SOX5: variants seen among roughly 807,000 people sequenced by gnomAD.
SOX5 encodes the protein SRY-box transcription factor 5, also known as transcription factor SOX-5.
Under a neutral mutation model 92.0 loss-of-function variants are expected in SOX5, and 9 were observed. The ratio of observed to expected loss-of-function variants is 0.10; its 90% confidence interval spans 0.06 to 0.17. The LOEUF is 0.17. Among genes scored for constraint, SOX5 ranks in the 10% least tolerant of loss-of-function variants. SOX5 has a pLI of 1.00. For missense variants in SOX5, 642 were observed against 944.5 expected (o/e 0.68, Z 4.20); for synonymous variants, 344 against 336.3 (o/e 1.02, Z -0.25).
chr12:24,095,033 AC>A (rs1253350190), intron 4 of SOX5, among the ~76,000 whole-genome samples: 1 of 151,792 alleles, frequency 6.6e-6, no homozygotes, highest in Admixed American at 6.6e-5. Flanking sequence ...ATTGTCTTGA[AC>A]AAAAAGATTG....
chr12:24,077,236 G>A (rs905411884), intron 4 of SOX5, among the ~76,000 whole-genome samples: 12 of 152,196 alleles, frequency 7.9e-5, no homozygotes, highest in Non-Finnish European at 1.5e-4. Flanking sequence ...CAGTCTATGT[G>A]TAACCAAGAC....
upstream of SOX5, among the ~76,000 whole-genome samples, chr12:23,950,475 A>G (rs764242049): frequency 3.9e-5 from 6 of 152,234 alleles, no homozygotes; most frequent in Non-Finnish European, 7.3e-5. Context: ...CCTCAGCTCT[A>G]AACTCCATAA....
intron 4 of SOX5, among the ~76,000 whole-genome samples, chr12:24,208,618 T>G (rs1264998986): frequency 4.6e-5 from 7 of 152,230 alleles, no homozygotes; most frequent in African/African-American, 1.7e-4. Context: ...CCTTATACAC[T>G]GTCACCTTGT....
At chr12:24,056,804 T>A (rs1434486501) in intron 4 of SOX5, among the ~76,000 whole-genome samples, 1 of 148,524 alleles carries the variant, frequency 6.7e-6, no homozygotes, top group East Asian at 2.0e-4. Context: ...TGAAACCCCG[T>A]CTCTACTAAA....
intron 3 of SOX5, among the ~76,000 whole-genome samples, chr12:24,273,680 C>T (rs1464154367): frequency 6.6e-6 from 1 of 152,092 alleles, no homozygotes; most frequent in Non-Finnish European, 1.5e-5. Flanking sequence ...TGTTTTCCAC[C>T]TTGTTAATTT....
intron 4 of SOX5, among the ~76,000 whole-genome samples, chr12:24,073,893 T>A (rs970884147): frequency 6.6e-6 from 1 of 152,170 alleles, no homozygotes; most frequent in Non-Finnish European, 1.5e-5. Context: ...TTAATCTTGC[T>A]CCCAGTTTTT....
chr12:23,986,951 T>C (rs1403360490), intron 4 of SOX5, among the ~76,000 whole-genome samples: 1 of 152,204 alleles, frequency 6.6e-6, no homozygotes, highest in Non-Finnish European at 1.5e-5. Flanking sequence ...AAAATCACTT[T>C]CACTCTGTTA....
chr12:23,983,105 A>ATT (rs62869160), intron 4 of SOX5, among the ~76,000 whole-genome samples: 11,137 of 145,148 alleles, frequency 0.077, 634 homozygotes, highest in African/African-American at 0.16. Context: ...TCTGGAGTCC[A>ATT]TTTTTTTTTT....
At chr12:23,880,482 A>G (rs2096976010) in intron 2 of SOX5, among the ~76,000 whole-genome samples, 1 of 152,188 alleles carries the variant, frequency 6.6e-6, no homozygotes, top group Admixed American at 6.5e-5. Context: ...TATTTCCTAT[A>G]TGTAGATTTC....
rs187113822 is a variant in SOX5, at chr12:23,867,942, A to C, written c.271-21749T>G. On this transcript the variant is annotated intron_variant, in intron 2 of 14. Coordinates refer to ENST00000451604, the MANE Select transcript of SOX5 (RefSeq NM_006940.6). ...AATACCACCTAGGCAGTTTAACCTC[A>C]ATCAGAAAAAAAAATTTAAGGATGT... Among the ~76,000 whole-genome samples, 3 of 152,110 alleles carry C rather than the reference A, an allele frequency of 2.0e-5. No homozygotes were observed. The East Asian group carries it at 5.8e-4, about 29-fold the overall frequency.
chr12:24,398,639 C>A (rs1426813698), intron 1 of SOX5, among the ~76,000 whole-genome samples: 2 of 152,150 alleles, frequency 1.3e-5, no homozygotes, highest in South Asian at 2.1e-4. Flanking sequence ...AAAAAGAAAT[C>A]TATCAAAAAA....
At chr12:24,484,774 A>G (rs1346895177) in intron 1 of SOX5, among the ~76,000 whole-genome samples, 1 of 152,224 alleles carries the variant, frequency 6.6e-6, no homozygotes, top group Non-Finnish European at 1.5e-5. Flanking sequence ...TTTTTCCATC[A>G]AATTATGATA....
At chr12:23,726,018 C>T (rs1386487979) in intron 6 of SOX5, among the ~76,000 whole-genome samples, 2 of 152,096 alleles carry the variant, frequency 1.3e-5, no homozygotes, top group Non-Finnish European at 1.5e-5. Context: ...CCTAGTGGCA[C>T]ACAGGTGTCC....
chr12:24,110,710 T>C (rs4393411), intron 4 of SOX5, among the ~76,000 whole-genome samples: 121,247 of 151,512 alleles, frequency 0.8, 48,856 homozygotes, highest in East Asian at 0.99. Context: ...ATGGTGAAAC[T>C]CCGTCTCTAC....
At chr12:24,055,006 A>G (rs1296531900) in intron 4 of SOX5, among the ~76,000 whole-genome samples, 1 of 152,178 alleles carries the variant, frequency 6.6e-6, no homozygotes, top group Non-Finnish European at 1.5e-5. Context: ...TACTTTTGAA[A>G]TTCTGAACCT....
intron 6 of SOX5, among the ~76,000 whole-genome samples, chr12:23,673,332 T>C (rs2085105885): frequency 6.6e-6 from 1 of 152,148 alleles, no homozygotes; most frequent in Admixed American, 6.6e-5. Flanking sequence ...ACTTGTTTCC[T>C]AAAGCGTGTG....
intron 4 of SOX5, among the ~76,000 whole-genome samples, chr12:24,160,295 T>A (rs1952619336): frequency 6.6e-6 from 1 of 152,002 alleles, no homozygotes; most frequent in Non-Finnish European, 1.5e-5. Context: ...AGGAAAAATA[T>A]ATAGAAGAAA....
At chr12:23,629,723 T>A (rs1307890216) in intron 8 of SOX5, among the ~76,000 whole-genome samples, 1 of 152,000 alleles carries the variant, frequency 6.6e-6, no homozygotes, top group Non-Finnish European at 1.5e-5. Flanking sequence ...TTTGCCTTTC[T>A]TCAAACTCTA....
At chr12:24,522,214 G>C (rs1264425719) in intron 1 of SOX5, among the ~76,000 whole-genome samples, 1 of 149,984 alleles carries the variant, frequency 6.7e-6, no homozygotes, top group Non-Finnish European at 1.5e-5. Context: ...TTATAAGAAT[G>C]AATCACAGAG....
Sources: gnomAD v4.1 joint callset for allele counts (sites outside exome capture counted in the v4.1 genomes callset) on GRCh38, gnomAD v4.1.1 for gene constraint, MANE v1.5 for transcripts, NCBI Gene and HGNC (gene_info 2026-07-23, HGNC 2026-07-21) for gene names.